Variants in DLGAP2 observed in about 807,000 individuals in gnomAD.
DLGAP2 encodes disks large-associated protein 2.
A neutral mutation model predicts 100.3 loss-of-function variants in DLGAP2; 26 were observed. That is an observed-to-expected ratio of 0.26 (90% CI 0.19 to 0.36). The LOEUF (loss-of-function observed/expected upper bound fraction) is 0.36. DLGAP2 is among the 10% of genes least tolerant of loss of function. The probability of loss-of-function intolerance (pLI) is 1.00; values close to 1 mark genes in which losing one functional copy is unlikely to be tolerated. For synonymous variants in DLGAP2, 886 were observed against 630.1 expected (o/e 1.41, Z -6.08); for missense variants, 1,858 against 1,453.2 (o/e 1.28, Z -4.53).
At chr8:1,351,979 G>A (rs1158275229) in intron 3 of DLGAP2, among the ~76,000 whole-genome samples, 1 of 79,338 alleles carries the variant, frequency 1.3e-5, no homozygotes, top group Admixed American at 1.6e-4. Context: ...TGGAAACGCC[G>A]TGCGGGTCCT....
At chr8:1,498,094 G>A (rs1023521959) in intron 3 of DLGAP2, among the ~76,000 whole-genome samples, 1 of 152,160 alleles carries the variant, frequency 6.6e-6, no homozygotes, top group East Asian at 1.9e-4. Flanking sequence ...AAGTCATTAT[G>A]GAGTCAAACA....
At chr8:753,476 G>A (rs543991228) in intron 1 of DLGAP2, 1 of 152,360 alleles carries the variant, frequency 6.6e-6, no homozygotes, top group African/African-American at 2.4e-5. Flanking sequence ...TTGCAGGGAT[G>A]CCTGTGAGAT....
intron 6 of DLGAP2, among the ~76,000 whole-genome samples, chr8:1,617,536 T>G (rs533559354): frequency 6.6e-6 from 1 of 152,240 alleles, no homozygotes; most frequent in Admixed American, 6.5e-5. Context: ...GTTTGAAAAG[T>G]GTCTGTTCAT....
Position 1,536,455 on chromosome 8 carries a change from A to G in DLGAP2, c.173-12171A>G, listed in dbSNP as rs1801157164. On this transcript the variant is annotated intron_variant, in intron 4 of 14. Transcript: ENST00000637795. ...AGATTAGCCATACAGAGGCAGGTGC[A>G]TTAAAATTCTGAATTTTCAAGTGAA... is the stretch of plus-strand genomic sequence containing the variant. 4.6e-5 allele frequency among the ~76,000 whole-genome samples: 7 copies of G among 152,328 alleles called. No homozygotes were observed. In the South Asian group the frequency reaches 1.5e-3, roughly 32 times the overall value.
At chr8:1,478,843 G>T (rs1799010503) in intron 3 of DLGAP2, among the ~76,000 whole-genome samples, 4 of 152,252 alleles carry the variant, frequency 2.6e-5, no homozygotes, top group African/African-American at 9.6e-5. Flanking sequence ...ATGAAGATCA[G>T]TCATTAGCCA....
chr8:1,604,672 G>A (rs563680364), intron 6 of DLGAP2: 4 of 152,162 alleles, frequency 2.6e-5, no homozygotes, highest in East Asian at 1.9e-4. Flanking sequence ...ATGCAAGCAC[G>A]CAGGAGACTG....
At chr8:837,250 G>C (rs898902640) in intron 1 of DLGAP2, among the ~76,000 whole-genome samples, 1 of 152,216 alleles carries the variant, frequency 6.6e-6, no homozygotes. Context: ...TGGTGTTCGA[G>C]GCAGCCTGGC....
At chr8:973,769 G>A (rs1348488049) in intron 2 of DLGAP2, among the ~76,000 whole-genome samples, 1 of 152,084 alleles carries the variant, frequency 6.6e-6, no homozygotes, top group African/African-American at 2.4e-5. Context: ...TATACGCGCG[G>A]CTGAGCGGAG....
At chr8:867,137 CT>C (rs1357539199) in intron 1 of DLGAP2, among the ~76,000 whole-genome samples, 1 of 152,250 alleles carries the variant, frequency 6.6e-6, no homozygotes, top group Non-Finnish European at 1.5e-5. Flanking sequence ...TGACCACAGA[CT>C]TCTCAGTTCA....
intron 2 of DLGAP2, among the ~76,000 whole-genome samples, chr8:1,138,084 G>C (rs191240941): frequency 6.6e-6 from 1 of 152,218 alleles, no homozygotes; most frequent in East Asian, 1.9e-4. Context: ...CGCTGACACC[G>C]GGATGGCAGC....
At chr8:1,386,729 G>T (rs1220507947) in intron 3 of DLGAP2, among the ~76,000 whole-genome samples, 1 of 152,168 alleles carries the variant, frequency 6.6e-6, no homozygotes, top group Non-Finnish European at 1.5e-5. Context: ...GAGATGCTCA[G>T]GATGGGGAGG....
Position 1,185,306 on chromosome 8 carries a change from G to A in DLGAP2, c.74-73545G>A, listed in dbSNP as rs371626986. ...CAGGGCTGTGGTGCAATGGACATAA[G>A]CCTCGGGCTGAGTGACACCATCATT... On this transcript the variant is annotated intron_variant, in intron 2 of 14. Coordinates refer to ENST00000637795, the MANE Select transcript of DLGAP2 (RefSeq NM_001346810.2). Among the ~76,000 whole-genome samples the A allele has an allele frequency of 6.8e-4, 104 of 152,248 alleles. 1 individual carries two copies. The highest frequency in any genetic ancestry group is 2.3e-3 in the African/African-American group (94 of 41,530).
At chr8:915,061 G>C (rs1798561865) in intron 2 of DLGAP2, among the ~76,000 whole-genome samples, 1 of 152,214 alleles carries the variant, frequency 6.6e-6, no homozygotes. Context: ...AGGTTCCTGT[G>C]AGAGGGTCTA....
rs1019137311 is a variant in DLGAP2, at chr8:1,377,778, A to G, written c.106+118895A>G. 4 of 151,188 alleles carry G rather than the reference A, an allele frequency of 2.6e-5. No individual in the cohort carries two copies. The East Asian group carries it at 7.7e-4, about 29-fold the overall frequency. The allele number at this position is 151,188 out of a possible 1,614,324, so 9.4% of individuals were successfully genotyped here. ...ATTCTTGGTCCAGCACAGCTTCTTC[A>G]TGTTTTTCACCTTTGTGATGTAAGA... is the stretch of plus-strand genomic sequence containing the variant. On this transcript the variant is annotated intron_variant, in intron 3 of 14. Transcript: ENST00000637795.
intron 5 of DLGAP2, among the ~76,000 whole-genome samples, chr8:1,565,357 C>G (rs1040460487): frequency 6.7e-6 from 1 of 150,084 alleles, no homozygotes; most frequent in African/African-American, 2.5e-5. Flanking sequence ...TCAATTTCCT[C>G]TTATACCAGA....
intron 4 of DLGAP2, among the ~76,000 whole-genome samples, chr8:1,521,773 T>C (rs1005891654): frequency 2.5e-5 from 3 of 119,472 alleles, no homozygotes; most frequent in African/African-American, 9.2e-5. Flanking sequence ...CTTGTTTTAA[T>C]TTGGAATACT....
chr8:1,674,222 T>G (rs1798757447), intron 10 of DLGAP2, among the ~76,000 whole-genome samples: 2 of 152,134 alleles, frequency 1.3e-5, no homozygotes, highest in Non-Finnish European at 2.9e-5. Flanking sequence ...TAATTTCTTT[T>G]TTTGTAGAGA....
At chr8:1,646,316 G>C (rs746488618) in intron 8 of DLGAP2, among the ~76,000 whole-genome samples, 3 of 152,146 alleles carry the variant, frequency 2.0e-5, no homozygotes, top group Non-Finnish European at 4.4e-5. Context: ...CTCGGAACTC[G>C]TCAGCCTCAT....
intron 2 of DLGAP2, among the ~76,000 whole-genome samples, chr8:917,673 C>T (rs1004405865): frequency 6.6e-6 from 1 of 152,294 alleles, no homozygotes; most frequent in East Asian, 1.9e-4. Context: ...CTCCACCTCC[C>T]AGGTTCAAAT....
Sources: gnomAD v4.1 joint callset for allele counts (sites outside exome capture counted in the v4.1 genomes callset) on GRCh38, gnomAD v4.1.1 for gene constraint, MANE v1.5 for transcripts, NCBI Gene and HGNC (gene_info 2026-07-23, HGNC 2026-07-21) for gene names.